Variants in PTCHD4 observed in about 807,000 individuals in gnomAD.
PTCHD4 encodes patched domain-containing protein 4.
A neutral mutation model predicts 58.1 loss-of-function variants in PTCHD4; 33 were observed. The ratio of observed to expected loss-of-function variants is 0.57; its 90% CI spans 0.43 to 0.76. The LOEUF is 0.76. Ranked by LOEUF, PTCHD4 falls within the 30% of genes least tolerant of loss-of-function variation. The pLI is 0.00. For missense variants in PTCHD4, 1,058 were observed against 1,027.1 expected (o/e 1.03, Z -0.41); for synonymous variants, 478 against 409.6 (o/e 1.17, Z -2.02).
intron 1 of PTCHD4, among the ~76,000 whole-genome samples, chr6:48,081,325 T>A (rs565531424): frequency 3.3e-5 from 5 of 152,292 alleles, no homozygotes; most frequent in South Asian, 4.1e-4. Context: ...ACATTTCTGC[T>A]CTGTTTTAGG....
chr6:47,887,563 A>G (rs547204465), intron 4 of PTCHD4, among the ~76,000 whole-genome samples: 1 of 152,326 alleles, frequency 6.6e-6, no homozygotes, highest in Admixed American at 6.5e-5. Flanking sequence ...ATTATTCATT[A>G]ATTTGGCTGG....
intron 4 of PTCHD4, among the ~76,000 whole-genome samples, chr6:47,892,024 T>A (rs1764396522): frequency 6.6e-6 from 1 of 152,206 alleles, no homozygotes; most frequent in South Asian, 2.1e-4. Context: ...TTCCTGGTAA[T>A]ATGTTAGTTG....
At chr6:48,093,247 A>G (rs1765401501) in intron 1 of PTCHD4, among the ~76,000 whole-genome samples, 1 of 152,056 alleles carries the variant, frequency 6.6e-6, no homozygotes, top group Non-Finnish European at 1.5e-5. Flanking sequence ...TCTACTTCAA[A>G]CCCCTTCATT....
chr6:48,105,076 T>A (rs1446991828), intron 1 of PTCHD4, among the ~76,000 whole-genome samples: 2 of 152,146 alleles, frequency 1.3e-5, no homozygotes, highest in African/African-American at 2.4e-5. Flanking sequence ...ATCCAGGAAT[T>A]GAACTCAGCT....
At chr6:48,064,464 A>G (rs1764730861) in intron 3 of PTCHD4, among the ~76,000 whole-genome samples, 1 of 152,174 alleles carries the variant, frequency 6.6e-6, no homozygotes, top group Non-Finnish European at 1.5e-5. Flanking sequence ...CAAGAGGTAG[A>G]CTTCAACAAC....
intron 4 of PTCHD4, among the ~76,000 whole-genome samples, chr6:47,989,157 G>GA (rs1419100601): frequency 6.6e-6 from 1 of 152,200 alleles, no homozygotes; most frequent in Non-Finnish European, 1.5e-5. Flanking sequence ...CTGCACTAGA[G>GA]ATTTGTGGAA....
At chr6:48,010,401 A>G (rs1034916041) in intron 3 of PTCHD4, among the ~76,000 whole-genome samples, 1 of 152,184 alleles carries the variant, frequency 6.6e-6, no homozygotes, top group Admixed American at 6.6e-5. Context: ...TCTAGCAGAC[A>G]CATGTCTTAA....
At chr6:47,994,467 G>A (rs1768403484) in intron 4 of PTCHD4, among the ~76,000 whole-genome samples, 1 of 152,158 alleles carries the variant, frequency 6.6e-6, no homozygotes, top group Non-Finnish European at 1.5e-5. Flanking sequence ...AGTCTAGCAT[G>A]GGAAGTGATG....
chr6:47,898,780 G>A (rs77394059), intron 4 of PTCHD4, among the ~76,000 whole-genome samples: 16 of 152,068 alleles, frequency 1.1e-4, no homozygotes, highest in South Asian at 4.1e-4. Flanking sequence ...CATGCCACCC[G>A]TGAGAAAATG....
At chr6:48,078,513 A>T (rs1370516469) in intron 1 of PTCHD4, among the ~76,000 whole-genome samples, 1 of 152,236 alleles carries the variant, frequency 6.6e-6, no homozygotes, top group African/African-American at 2.4e-5. Flanking sequence ...ATTTTTAGTC[A>T]TTTAAATAAA....
intron 3 of PTCHD4, among the ~76,000 whole-genome samples, chr6:48,042,586 G>GA (rs1763884609): frequency 6.6e-6 from 1 of 151,852 alleles, no homozygotes; most frequent in Admixed American, 6.6e-5. Context: ...TCAGCATTCT[G>GA]AACAGAGAAA....
chr6:48,057,091 T>A (rs1421417060), intron 3 of PTCHD4, among the ~76,000 whole-genome samples: 2 of 152,240 alleles, frequency 1.3e-5, no homozygotes, highest in East Asian at 3.8e-4. Flanking sequence ...ATATGCTCTC[T>A]GCAACCTTTC....
At chr6:47,985,620 C>A (rs1205676604) in intron 4 of PTCHD4, among the ~76,000 whole-genome samples, 1 of 152,010 alleles carries the variant, frequency 6.6e-6, no homozygotes, top group South Asian at 2.1e-4. Context: ...AAAATTCATG[C>A]CGATTCAATT....
chr6:47,988,002 C>A (rs1768136256), intron 4 of PTCHD4, among the ~76,000 whole-genome samples: 1 of 152,244 alleles, frequency 6.6e-6, no homozygotes, highest in East Asian at 1.9e-4. Context: ...GTCTCAAACT[C>A]CTGACTTCAG....
intron 3 of PTCHD4, among the ~76,000 whole-genome samples, chr6:48,032,247 T>C (rs1763471858): frequency 6.6e-6 from 1 of 152,180 alleles, no homozygotes; most frequent in Non-Finnish European, 1.5e-5. Context: ...TCCTGTTTCG[T>C]AGCCAGACAT....
intron 1 of PTCHD4, among the ~76,000 whole-genome samples, chr6:48,108,773 G>A (rs969477155): frequency 1.3e-5 from 2 of 151,554 alleles, no homozygotes; most frequent in East Asian, 3.9e-4. Context: ...TAGAGAGAAC[G>A]AATATAAACA....
At chr6:47,885,362 A>T (rs1764158193) in intron 4 of PTCHD4, among the ~76,000 whole-genome samples, 1 of 152,148 alleles carries the variant, frequency 6.6e-6, no homozygotes, top group African/African-American at 2.4e-5. Context: ...GCATGGTGTA[A>T]CAATAAGGAA....
At chr6:47,916,488 C>T (rs1454502427) in intron 4 of PTCHD4, among the ~76,000 whole-genome samples, 2 of 152,090 alleles carry the variant, frequency 1.3e-5, no homozygotes, top group Non-Finnish European at 2.9e-5. Flanking sequence ...CTCCCCACCA[C>T]CTACAAATAA....
chr6:47,976,390 C>T (rs186643405), intron 4 of PTCHD4, among the ~76,000 whole-genome samples: 9 of 152,250 alleles, frequency 5.9e-5, no homozygotes, highest in Non-Finnish European at 1.3e-4. Context: ...CGCTGTGGCT[C>T]ATGCCTGTAA....
Sources: allele counts gnomAD v4.1 joint callset (sites outside exome capture counted in the v4.1 genomes callset), GRCh38; gene constraint gnomAD v4.1.1; transcripts MANE v1.5; gene names NCBI Gene and HGNC (gene_info 2026-07-23, HGNC 2026-07-21).